The following PMS1 variants were observed in gnomAD, a reference collection of about 807,000 sequenced individuals.
The protein encoded by PMS1 is PMS1 homolog 1, mismatch repair system component, also known as PMS1 protein homolog 1.
Under a neutral mutation model 93.1 loss-of-function variants are expected in PMS1, and 79 were observed. The ratio of observed to expected loss-of-function variants is 0.85; its 90% CI spans 0.71 to 1.02. PMS1 has a LOEUF of 1.02. PMS1 is among the 50% of genes least tolerant of loss of function. The pLI is 0.00. For synonymous variants in PMS1, 335 were observed against 363.4 expected (o/e 0.92, Z 0.89); for missense variants, 1,064 against 1,085.3 (o/e 0.98, Z 0.28).
At chr2:189,867,220 A>G (rs894638696) in intron 10 of PMS1, among the ~76,000 whole-genome samples, 10 of 152,162 alleles carry the variant, frequency 6.6e-5, no homozygotes, top group South Asian at 2.1e-4. Flanking sequence ...CCTAAAACCA[A>G]TATGTGTGGT....
chr2:189,834,043 A>G (rs956174263), intron 5 of PMS1, among the ~76,000 whole-genome samples: 1 of 152,194 alleles, frequency 6.6e-6, no homozygotes, highest in Non-Finnish European at 1.5e-5. Flanking sequence ...TCTCTTTAAA[A>G]TGGAATAATA....
intron 5 of PMS1, among the ~76,000 whole-genome samples, chr2:189,826,409 A>G (rs1302712091): frequency 1.4e-5 from 2 of 147,754 alleles, no homozygotes; most frequent in Non-Finnish European, 3.0e-5. Context: ...ATATTTTAAG[A>G]TTAGCTTGGG....
intron 5 of PMS1, among the ~76,000 whole-genome samples, chr2:189,831,696 T>C (rs1458301689): frequency 6.6e-6 from 1 of 152,188 alleles, no homozygotes; most frequent in Non-Finnish European, 1.5e-5. Context: ...TAAAGTGAAA[T>C]CATTACTGCA....
chr2:189,826,529 G>A (rs1319907551), intron 5 of PMS1, among the ~76,000 whole-genome samples: 1 of 149,580 alleles, frequency 6.7e-6, no homozygotes, highest in Non-Finnish European at 1.5e-5. Flanking sequence ...CTTTTGTTAA[G>A]GATTACTTTT....
At chr2:189,821,299 A>G (rs572637199) in intron 5 of PMS1, among the ~76,000 whole-genome samples, 2 of 151,404 alleles carry the variant, frequency 1.3e-5, no homozygotes, top group South Asian at 4.2e-4. Context: ...TACTAAAAAT[A>G]CAAAAATGAA....
At chr2:189,811,350 G>A (rs1423864375) in intron 4 of PMS1, among the ~76,000 whole-genome samples, 1 of 150,790 alleles carries the variant, frequency 6.6e-6, no homozygotes, top group Admixed American at 6.6e-5. Context: ...CACTTTGGGA[G>A]GCCAAGGTGG....
chr2:189,835,948 G>A (rs1575196647), intron 5 of PMS1, among the ~76,000 whole-genome samples: 1 of 145,828 alleles, frequency 6.9e-6, no homozygotes, highest in Admixed American at 6.8e-5. Context: ...GCTGCTTCTT[G>A]TTTGGTGGAA....
intron 4 of PMS1, among the ~76,000 whole-genome samples, chr2:189,809,486 CAG>C (rs2050649269): frequency 1.2e-5 from 1 of 81,850 alleles, no homozygotes; most frequent in Non-Finnish European, 2.2e-5. Flanking sequence ...CTTTTTGAGA[CAG>C]GGTTCATTTG....
At chr2:189,793,271 A>G (rs1012614897) in intron 2 of PMS1, among the ~76,000 whole-genome samples, 8 of 152,218 alleles carry the variant, frequency 5.3e-5, no homozygotes, top group African/African-American at 1.7e-4. Flanking sequence ...TGGGTGCATC[A>G]GAATAACTTA....
At chr2:189,788,004 C>T (rs143126915) in intron 1 of PMS1, among the ~76,000 whole-genome samples, 43 of 151,868 alleles carry the variant, frequency 2.8e-4, no homozygotes, top group African/African-American at 9.7e-4. Flanking sequence ...TATGAATTGC[C>T]ATGATCTTAG....
chr2:189,797,589 C>T (rs1209086421), intron 3 of PMS1, among the ~76,000 whole-genome samples: 1 of 152,046 alleles, frequency 6.6e-6, no homozygotes, highest in Admixed American at 6.6e-5. Context: ...TGAAATTTGC[C>T]CAGTAGCCAT....
At chr2:189,836,020 G>T (rs899840195) in intron 5 of PMS1, among the ~76,000 whole-genome samples, 7 of 151,090 alleles carry the variant, frequency 4.6e-5, no homozygotes, top group African/African-American at 1.7e-4. Flanking sequence ...AATTTTGGCT[G>T]CAGTCTAGGC....
intron 6 of PMS1, among the ~76,000 whole-genome samples, chr2:189,851,995 G>A (rs2054785883): frequency 6.6e-6 from 1 of 152,012 alleles, no homozygotes; most frequent in South Asian, 2.1e-4. Flanking sequence ...TTCTTTTCTA[G>A]TATCCTTCTT....
At chr2:189,830,886 G>C (rs951597336) in intron 5 of PMS1, among the ~76,000 whole-genome samples, 2 of 152,202 alleles carry the variant, frequency 1.3e-5, no homozygotes, top group African/African-American at 4.8e-5. Flanking sequence ...TCATACTCTA[G>C]ACACTTCCCA....
chr2:189,787,599 T>C (rs953971570), intron 1 of PMS1, among the ~76,000 whole-genome samples: 2 of 28,334 alleles, frequency 7.1e-5, no homozygotes, highest in Non-Finnish European at 2.2e-4. Context: ...AACTTCACTT[T>C]TTTATTTTTT....
chr2:189,821,202 A>G (rs1396507286), intron 5 of PMS1, among the ~76,000 whole-genome samples: 1 of 152,220 alleles, frequency 6.6e-6, no homozygotes, highest in African/African-American at 2.4e-5. Flanking sequence ...CACACCTGTA[A>G]TCCCAGCACT....
intron 4 of PMS1, among the ~76,000 whole-genome samples, chr2:189,816,765 C>T (rs1444006910): frequency 2.6e-5 from 4 of 151,998 alleles, no homozygotes; most frequent in Non-Finnish European, 4.4e-5. Flanking sequence ...TGTTTTTGCT[C>T]TGTGTTATAA....
chr2:189,862,986 T>C (rs1254794777), intron 9 of PMS1, among the ~76,000 whole-genome samples: 1 of 152,220 alleles, frequency 6.6e-6, no homozygotes, highest in Non-Finnish European at 1.5e-5. Flanking sequence ...CAGACAGCTC[T>C]GTGTCCTGGT....
chr2:189,875,213 A>G (rs1279240665), intron 12 of PMS1, among the ~76,000 whole-genome samples: 1 of 150,190 alleles, frequency 6.7e-6, no homozygotes, highest in Non-Finnish European at 1.5e-5. Flanking sequence ...CTAGAAGACT[A>G]TCAGATATGG....
Sources: gnomAD v4.1 joint callset for allele counts (sites outside exome capture counted in the v4.1 genomes callset) on GRCh38, gnomAD v4.1.1 for gene constraint, MANE v1.5 for transcripts, NCBI Gene and HGNC (gene_info 2026-07-23, HGNC 2026-07-21) for gene names.